Variants in CCDC51 observed in about 807,000 individuals in gnomAD.
CCDC51 encodes coiled-coil domain containing 51.
Under a neutral mutation model 24.8 loss-of-function variants are expected in CCDC51, and 25 were observed. The ratio of observed to expected loss-of-function variants is 1.01; its 90% confidence interval spans 0.73 to 1.41. The LOEUF is 1.41. Ranked by LOEUF, CCDC51 falls within the 40% of genes most tolerant of loss-of-function variation. CCDC51 has a pLI of 0.00. For missense variants in CCDC51, 466 were observed against 519.1 expected (o/e 0.90, Z 0.99); for synonymous variants, 190 against 204.3 (o/e 0.93, Z 0.60).
chr3:48,440,670 T>C (rs1321258217), upstream of CCDC51: 3 of 1,573,528 alleles, frequency 1.9e-6, no homozygotes, highest in East Asian at 4.5e-5. Context: ...CCAAACGCTA[T>C]GAGCACCTAT....
upstream of CCDC51, among the ~76,000 whole-genome samples, chr3:48,441,251 A>C (rs1382577529): frequency 6.6e-6 from 1 of 151,680 alleles, no homozygotes; most frequent in South Asian, 2.1e-4. Flanking sequence ...TCACCATCTT[A>C]GCCAGGCTGG....
chr3:48,433,811 C>T lies in CCDC51; in HGVS notation c.373G>A (p.Val125Ile), dbSNP rs1400770456. ...LVREAREDLE[V>I]HQAKLKEVRD... ...ACCTCCTTCAGCTTGGCCTGGTGAACTTCCAAGTCCTCCCGAGCCTCTCGG... is the reference window on the plus strand; with the variant it reads ...ACCTCCTTCAGCTTGGCCTGGTGAATTTCCAAGTCCTCCCGAGCCTCTCGG... Residue 125 changes from valine (V) to isoleucine (I), a missense_variant, in exon 3 of 4, where the codon GTT (valine) becomes ATT (isoleucine). Physicochemically the swap from Val to Ile is conservative, Grantham distance 29 (BLOSUM62 3). Coordinates refer to ENST00000395694, the MANE Select transcript of CCDC51 (RefSeq NM_001256964.2). The surrounding 1 kb of genome is among the most constrained non-coding windows in gnomAD (Gnocchi z 4.4). 11 of 1,614,006 alleles carry T rather than the reference C, an allele frequency of 6.8e-6. No individual in the cohort carries two copies. The highest frequency in any genetic ancestry group is 9.3e-6 in the Non-Finnish European group (11 of 1,180,036).
At position 48,432,960 on chromosome 3, in the gene CCDC51, CTG is replaced by C. The variant is rs1560088148; in HGVS notation, c.682_683del (p.Gln228GlyfsTer26). ...GSTYVNRVRL[Q>X]ELKALLLEAQ... Reference sequence around the variant, plus strand: ...CCTCCAGGAGTAAAGCCTTCAGCTCCTGTAGTCGCACACGGTTCACATAGGTG... The same window carrying C: ...CCTCCAGGAGTAAAGCCTTCAGCTCCTAGTCGCACACGGTTCACATAGGTG... On this transcript the variant is annotated frameshift_variant, in exon 4 of 4. Coordinates refer to ENST00000395694, the MANE Select transcript of CCDC51 (RefSeq NM_001256964.2). LOFTEE classifies it high-confidence loss of function. The C allele has an allele frequency of 1.9e-6, 3 of 1,614,066 alleles. No individual in the cohort carries two copies. Among genetic ancestry groups the C allele is most frequent in the Non-Finnish European group, 2.5e-6 (3 of 1,180,044 alleles).
At chr3:48,443,367 G>A (rs2039610773), upstream of CCDC51, among the ~76,000 whole-genome samples, 1 of 151,672 alleles carries the variant, frequency 6.6e-6, no homozygotes, top group African/African-American at 2.4e-5. Context: ...GACCAATATG[G>A]TGAGCCCCGT....
upstream of CCDC51, chr3:48,440,676 C>G (rs777865828): frequency 5.8e-6 from 9 of 1,556,330 alleles, no homozygotes; most frequent in African/African-American, 2.7e-5. Flanking sequence ...GCTATGAGCA[C>G]CTATTGGGAT....
At chr3:48,438,112 C>T (rs2039412550) in intron 1 of CCDC51, 1 of 152,246 alleles carries the variant, frequency 6.6e-6, no homozygotes, top group African/African-American at 2.4e-5. Flanking sequence ...CCCCACTCAT[C>T]TGCCTAACCT....
upstream of CCDC51, chr3:48,440,289 C>T (rs754977247): frequency 1.4e-5 from 23 of 1,602,726 alleles, 1 homozygote; most frequent in South Asian, 2.0e-4. Context: ...GAAGCGGCGG[C>T]AGGCGCCATG....
rs184902757 is a variant in CCDC51, at chr3:48,432,287, A to G, written c.*121T>C. ...GCATGCCTGCTGGTGAGCCACACAGATACTGCTCCTTCAGATTGAGGTTGT... is the reference window on the plus strand; with the variant it reads ...GCATGCCTGCTGGTGAGCCACACAGGTACTGCTCCTTCAGATTGAGGTTGT... On this transcript the variant is annotated 3_prime_UTR_variant, in exon 4 of 4. Coordinates refer to ENST00000395694, the MANE Select transcript of CCDC51 (RefSeq NM_001256964.2). 1 of 1,171,348 alleles carries G rather than the reference A, an allele frequency of 8.5e-7. No individual in the cohort carries two copies. Among genetic ancestry groups the G allele is most frequent in the East Asian group, 2.5e-5 (1 of 40,772 alleles). 72.6% of individuals were successfully genotyped at this position (1,171,348 alleles called of 1,614,324 possible).
Position 48,433,572 on chromosome 3 carries a change from C to T in CCDC51, c.477+135G>A. 3.2e-6 allele frequency: 3 copies of T among 924,130 alleles called. No homozygotes were observed. The highest frequency in any genetic ancestry group is 4.9e-6 in the Non-Finnish European group (3 of 608,290). 57.2% of individuals were successfully genotyped at this position (924,130 alleles called of 1,614,324 possible). ...CTGGAAGCTTGGGGTTCTGTCCATC[C>T]ATAGGAGCTTCTGGCTCACCTCTGT... On this transcript the variant is annotated intron_variant, in intron 3 of 3. Coordinates refer to ENST00000395694, the MANE Select transcript of CCDC51 (RefSeq NM_001256964.2). The surrounding 1 kb of genome is among the most constrained non-coding windows in gnomAD (Gnocchi z 4.4).
Position 48,434,106 on chromosome 3 carries a change from T to G in CCDC51, c.313-235A>C, listed in dbSNP as rs1231890059. The G allele has an allele frequency of 6.1e-6, 5 of 818,308 alleles. No homozygotes were observed. In the African/African-American group the frequency reaches 7.1e-5, roughly 12 times the overall value. 50.7% of individuals were successfully genotyped at this position (818,308 alleles called of 1,614,324 possible). A position where few individuals can be genotyped will look rare whatever the true frequency, so the allele number is the denominator to read the frequency against. On this transcript the variant is annotated intron_variant, in intron 2 of 3. Coordinates refer to ENST00000395694, the MANE Select transcript of CCDC51 (RefSeq NM_001256964.2). The stretch of plus-strand genomic sequence containing the variant: ...CATTCAAGCAGAAATAACATGCCCC[T>G]GAAAAAACTTGAAAACAGCTAACAA...
rs1170063643 is a variant in CCDC51, at chr3:48,433,796, G to C, written c.388C>G (p.Leu130Val). 5.6e-6 allele frequency: 9 copies of C among 1,613,912 alleles called. No individual in the cohort carries two copies. The highest frequency in any genetic ancestry group is 4.0e-5 in the African/African-American group (3 of 74,862). Reference sequence around the variant, plus strand: ...TCCAAGCGGTCCCTCACCTCCTTCAGCTTGGCCTGGTGAACTTCCAAGTCC... The same window carrying C: ...TCCAAGCGGTCCCTCACCTCCTTCACCTTGGCCTGGTGAACTTCCAAGTCC... ...REDLEVHQAK[L>V]KEVRDRLDRV... The change falls in exon 3 of 4, where the codon CTG becomes GTG. Residue 130 changes from leucine to valine, a missense_variant. Physicochemically the swap from Leu to Val is conservative, Grantham distance 32 (BLOSUM62 1). Transcript: ENST00000395694. The surrounding 1 kb of genome is among the most constrained non-coding windows in gnomAD (Gnocchi z 4.4).
At chr3:48,440,239 G>T, upstream of CCDC51, 1 of 1,564,134 alleles carries the variant, frequency 6.4e-7, no homozygotes, top group South Asian at 1.2e-5. Flanking sequence ...CTACGACAAA[G>T]GGTGGGGCAG....
At chr3:48,440,784 C>T (rs1038775894), upstream of CCDC51, 2 of 698,050 alleles carry the variant, frequency 2.9e-6, no homozygotes, top group Admixed American at 2.8e-5. Context: ...CTAGGATTTG[C>T]AGCGGCAGTA....
At chr3:48,445,060 C>G (rs1268521671), upstream of CCDC51, 1 of 152,328 alleles carries the variant, frequency 6.6e-6, no homozygotes, top group African/African-American at 2.4e-5. Flanking sequence ...GTAGTCCCAG[C>G]CATTTGGGAG....
In CCDC51 at chr3:48,432,285, A is replaced by C; in HGVS notation, c.*123T>G. Reference sequence around the variant, plus strand: ...AAGCATGCCTGCTGGTGAGCCACACAGATACTGCTCCTTCAGATTGAGGTT... The same window carrying C: ...AAGCATGCCTGCTGGTGAGCCACACCGATACTGCTCCTTCAGATTGAGGTT... On this transcript the variant is annotated 3_prime_UTR_variant, in exon 4 of 4. Coordinates refer to ENST00000395694, the MANE Select transcript of CCDC51 (RefSeq NM_001256964.2). 1 of 1,148,824 alleles carries C rather than the reference A, an allele frequency of 8.7e-7. No homozygotes were observed. Among genetic ancestry groups the C allele is most frequent in the Non-Finnish European group, 1.2e-6 (1 of 810,904 alleles). 71.2% of individuals were successfully genotyped at this position (1,148,824 alleles called of 1,614,324 possible).
At chr3:48,440,609 C>T (rs759380856), upstream of CCDC51, 11 of 1,611,410 alleles carry the variant, frequency 6.8e-6, no homozygotes, top group Middle Eastern at 2.1e-4. Flanking sequence ...AAGCGAAGGC[C>T]GCGGGGAAGG....
In CCDC51 at chr3:48,433,612, TA is replaced by T; in HGVS notation, c.477+94del. 7.3e-7 allele frequency: 1 copy of T among 1,369,944 alleles called. No individual in the cohort carries two copies. The highest frequency in any genetic ancestry group is 1.0e-6 in the Non-Finnish European group (1 of 993,730). The allele number at this position is 1,369,944 out of a possible 1,614,324, so 84.9% of individuals were successfully genotyped here. A position where few individuals can be genotyped will look rare whatever the true frequency, so the allele number is the denominator to read the frequency against. On this transcript the variant is annotated intron_variant, in intron 3 of 3. Coordinates refer to ENST00000395694, the MANE Select transcript of CCDC51 (RefSeq NM_001256964.2). The surrounding 1 kb of genome is among the most constrained non-coding windows in gnomAD (Gnocchi z 4.4). ...CTCACCTCTGTACCAGGCCTCTGAC[TA>T]CAGACCAGTCAGGGTTCCCACCCGG...
At chr3:48,439,792 G>A (rs1477211385) in intron 1 of CCDC51, among the ~76,000 whole-genome samples, 196 bp downstream of exon 1, 1 of 152,022 alleles carries the variant, frequency 6.6e-6, no homozygotes, top group Non-Finnish European at 1.5e-5. Flanking sequence ...AACAGAATTC[G>A]CAAACTGCTG....
intron 1 of CCDC51, among the ~76,000 whole-genome samples, chr3:48,439,164 A>C (rs1468709388): frequency 6.6e-6 from 1 of 152,128 alleles, no homozygotes; most frequent in Non-Finnish European, 1.5e-5. Flanking sequence ...TTTTCCATGC[A>C]TATATCACAT....
Sources: gnomAD v4.1 joint callset for allele counts (sites outside exome capture counted in the v4.1 genomes callset) on GRCh38, gnomAD v4.1.1 for gene constraint, Gnocchi (gnomAD v3.1) non-coding constraint, MANE v1.5 for transcripts, NCBI Gene and HGNC (gene_info 2026-07-23, HGNC 2026-07-21) for gene names.